IPO8: variants seen among roughly 807,000 people sequenced by gnomAD.
IPO8 encodes importin-8.
Under a neutral mutation model 141.2 loss-of-function variants are expected in IPO8, and 65 were observed. The observed-to-expected ratio is 0.46, with a 90% CI of 0.38 to 0.57. The LOEUF is 0.57. Ranked by LOEUF, IPO8 falls within the 20% of genes least tolerant of loss-of-function variation. The pLI is 0.00. For missense variants in IPO8, 980 were observed against 1,246.8 expected, an observed-to-expected ratio of 0.79 and a Z score of 3.22; for synonymous variants, 411 against 420.3, an observed-to-expected ratio of 0.98 and a Z score of 0.27.
At chr12:30,647,463 A>G (rs1206383358) in intron 20 of IPO8, among the ~76,000 whole-genome samples, 3 of 151,934 alleles carry the variant, frequency 2.0e-5, no homozygotes, top group Non-Finnish European at 4.4e-5. Flanking sequence ...TTTTCTACAA[A>G]AATTAGCCAG....
chr12:30,656,018 G>A (rs974349861), intron 17 of IPO8, among the ~76,000 whole-genome samples: 1 of 152,072 alleles, frequency 6.6e-6, no homozygotes, highest in Non-Finnish European at 1.5e-5. Context: ...CAGAAGTCAG[G>A]TACCATAATA....
At chr12:30,687,716 C>CT (rs1348846822) in intron 2 of IPO8, among the ~76,000 whole-genome samples, 1 of 152,154 alleles carries the variant, frequency 6.6e-6, no homozygotes, top group African/African-American at 2.4e-5. Flanking sequence ...ATAAAAGCTT[C>CT]TTAAAGTGCT....
At chr12:30,682,419 G>T (rs1388067689) in intron 3 of IPO8, among the ~76,000 whole-genome samples, 1 of 152,036 alleles carries the variant, frequency 6.6e-6, no homozygotes, top group East Asian at 1.9e-4. Flanking sequence ...TCCTGAAGAG[G>T]AGAGCTAAGA....
intron 21 of IPO8, 80 bp from the exon 22 acceptor site, chr12:30,637,267 A>C (rs944100773): frequency 1.9e-6 from 2 of 1,043,872 alleles, no homozygotes; most frequent in Admixed American, 1.8e-5. Context: ...ACAAAAAGAA[A>C]TGTCCAAGGC....
At chr12:30,657,975 A>T (rs1168869745) in intron 16 of IPO8, among the ~76,000 whole-genome samples, 3 of 152,182 alleles carry the variant, frequency 2.0e-5, no homozygotes, top group Admixed American at 1.3e-4. Context: ...TGAGAAGGTA[A>T]AATTTCACTG....
chr12:30,644,872 C>A lies in IPO8; in HGVS notation c.2268+4265G>T, dbSNP rs562717658. On this transcript the variant is annotated intron_variant, in intron 20 of 24. Transcript: ENST00000256079. The stretch of plus-strand genomic sequence containing the variant: ...TTCACCATGTTGGCCAGGCTGGTTT[C>A]AAACTCCTAACCTCAGGTGATCCAC... Among the ~76,000 whole-genome samples the A allele has an allele frequency of 2.0e-5, 3 of 151,210 alleles. No homozygotes were observed. In the South Asian group the frequency reaches 6.3e-4, roughly 32 times the overall value.
In IPO8 at chr12:30,656,700, C is replaced by T; in HGVS notation, c.1932G>A (p.Leu644=). 6.4e-7 allele frequency: 1 copy of T among 1,557,218 alleles called. No homozygotes were observed. The highest frequency in any genetic ancestry group is 1.4e-5 in the African/African-American group (1 of 72,860). Residue 644 remains leucine, a synonymous_variant, in exon 17 of 25, where the codon CTG becomes CTA. Transcript: ENST00000256079. ...NICLRIIDLV[L]QKHVIEFYEE... is the part of the protein sequence containing the mutation. ...TGAACTTACCAATTACATGTTTCTG[C>T]AGAACAAGATCAATGATCCGTAGAC...
chr12:30,674,614 G>A, intron 7 of IPO8, 45 bp downstream of exon 7: 1 of 1,326,048 alleles, frequency 7.5e-7, no homozygotes, highest in African/African-American at 1.4e-5. Context: ...ATCTGATACT[G>A]AGATACTGGC....
chr12:30,659,080 C>T (rs2136146450), intron 16 of IPO8, among the ~76,000 whole-genome samples: 1 of 152,054 alleles, frequency 6.6e-6, no homozygotes, highest in Admixed American at 6.5e-5. Flanking sequence ...TGGGGTTTCA[C>T]TGTGTTAGCC....
intron 5 of IPO8, among the ~76,000 whole-genome samples, chr12:30,678,703 C>G (rs900293513): frequency 6.6e-6 from 1 of 152,074 alleles, no homozygotes; most frequent in African/African-American, 2.4e-5. Flanking sequence ...GCACTTTATT[C>G]TAAGTGCATT....
In IPO8 at chr12:30,681,718, C is replaced by G. The variant is rs2053190475; in HGVS notation, c.423G>C (p.Gln141His). ...AACTGCCAAGCCAGCTTGCACTGCTCTGTGATTGCAAGTAATAGTCTATCT... is the reference window on the plus strand; with the variant it reads ...AACTGCCAAGCCAGCTTGCACTGCTGTGTGATTGCAAGTAATAGTCTATCT... ...VDKIDYYLQS[Q>H]SSASWLGSLL... The change falls in exon 4 of 25, where the codon CAG becomes CAC. Residue 141 changes from glutamine to histidine, a missense_variant. Physicochemically the swap from Gln to His is conservative, Grantham distance 24. Transcript: ENST00000256079. 1.2e-6 allele frequency: 2 copies of G among 1,613,796 alleles called. No homozygotes were observed. Among genetic ancestry groups the G allele is most frequent in the Non-Finnish European group, 8.5e-7 (1 of 1,179,714 alleles).
intron 2 of IPO8, among the ~76,000 whole-genome samples, chr12:30,689,298 T>A (rs1369442750): frequency 1.3e-5 from 2 of 152,140 alleles, no homozygotes; most frequent in African/African-American, 2.4e-5. Flanking sequence ...ATTTCTTAAA[T>A]GCTTCATAGG....
At chr12:30,666,393 G>A (rs2052966153) in intron 10 of IPO8, 142 bp from the exon 11 acceptor site, 5 of 488,728 alleles carry the variant, frequency 1.0e-5, no homozygotes, top group African/African-American at 2.0e-5. Context: ...AAAAGGTAAG[G>A]ATATACAGTG....
At chr12:30,672,772 C>T (rs775462624) in intron 8 of IPO8, among the ~76,000 whole-genome samples, 25 of 152,148 alleles carry the variant, frequency 1.6e-4, no homozygotes, top group Non-Finnish European at 3.1e-4. Context: ...TAGATTGTCT[C>T]ACCAGCCAAC....
At chr12:30,683,572 C>T (rs1480339446) in intron 3 of IPO8, among the ~76,000 whole-genome samples, 2 of 152,134 alleles carry the variant, frequency 1.3e-5, no homozygotes, top group Admixed American at 6.5e-5. Flanking sequence ...TATGACTTTA[C>T]AGCTGCTCTG....
At chr12:30,642,427 A>T (rs2052587237) in intron 20 of IPO8, among the ~76,000 whole-genome samples, 1 of 152,064 alleles carries the variant, frequency 6.6e-6, no homozygotes, top group South Asian at 2.1e-4. Context: ...GTATCCCCCA[A>T]ATCTAAAATT....
intron 20 of IPO8, among the ~76,000 whole-genome samples, chr12:30,647,915 C>A (rs2052671634): frequency 1.3e-5 from 2 of 152,044 alleles, no homozygotes; most frequent in Admixed American, 6.6e-5. Flanking sequence ...CATAAAAATG[C>A]AAATAAAAAC....
intron 1 of IPO8, among the ~76,000 whole-genome samples, chr12:30,693,297 T>C (rs887325054): frequency 1.3e-4 from 20 of 152,162 alleles, no homozygotes; most frequent in African/African-American, 4.6e-4. Context: ...AAATACATTT[T>C]CCCACAGAAA....
chr12:30,689,253 A>G (rs572854170), intron 2 of IPO8, among the ~76,000 whole-genome samples: 2 of 152,270 alleles, frequency 1.3e-5, no homozygotes, highest in East Asian at 3.9e-4. Context: ...GAAGACATTA[A>G]TGTAAAAACT....
Sources: allele counts gnomAD v4.1 joint callset (sites outside exome capture counted in the v4.1 genomes callset), GRCh38; gene constraint gnomAD v4.1.1; transcripts MANE v1.5; gene names NCBI Gene and HGNC (gene_info 2026-07-23, HGNC 2026-07-21).